Variants in HOXB3 observed in about 807,000 individuals in gnomAD.
The protein encoded by HOXB3 is homeobox protein Hox-B3.
In HOXB3, 17 loss-of-function variants were observed where a neutral mutation model predicts 29.2. The observed-to-expected ratio is 0.58, with a 90% CI of 0.40 to 0.87. HOXB3 has a LOEUF of 0.87. Among genes scored for constraint, HOXB3 ranks in the 40% least tolerant of loss-of-function variants. The pLI, the probability that HOXB3 is intolerant of heterozygous loss-of-function variation, is 0.00. For synonymous variants in HOXB3, 317 were observed against 285.9 expected (o/e 1.11, Z -1.10); for missense variants, 637 against 616.3 (o/e 1.03, Z -0.35).
intron 2 of HOXB3, among the ~76,000 whole-genome samples, chr17:48,558,673 A>G (rs1461175838): frequency 6.6e-6 from 1 of 152,098 alleles, no homozygotes; most frequent in African/African-American, 2.4e-5. Context: ...GCTGCTAGCC[A>G]GGGGATTTTC....
At chr17:48,588,449 T>G (rs949650474) in intron 1 of HOXB3, among the ~76,000 whole-genome samples, 1 of 152,218 alleles carries the variant, frequency 6.6e-6, no homozygotes, top group Non-Finnish European at 1.5e-5. Flanking sequence ...TCTGGGGTTC[T>G]AGCTTCCAGA....
intron 4 of HOXB3, among the ~76,000 whole-genome samples, chr17:48,551,733 T>C (rs927418624): frequency 6.6e-6 from 1 of 152,244 alleles, no homozygotes; most frequent in African/African-American, 2.4e-5. Context: ...CGTTGACGAC[T>C]CTGCATCCTC....
At chr17:48,575,140 G>A (rs747837608) in intron 1 of HOXB3, 1 of 152,122 alleles carries the variant, frequency 6.6e-6, no homozygotes, top group Non-Finnish European at 1.5e-5. Context: ...CAGCTTAACC[G>A]CATTTTATTT....
chr17:48,578,171 G>C, intron 1 of HOXB3: 6 of 1,609,336 alleles, frequency 3.7e-6, no homozygotes, highest in Non-Finnish European at 5.1e-6. Flanking sequence ...GCCCGCCTCC[G>C]GCTGGAAGCT....
chr17:48,555,394 G>C (rs1368696002), intron 3 of HOXB3, 137 bp downstream of exon 3: 2 of 679,202 alleles, frequency 2.9e-6, no homozygotes, highest in Non-Finnish European at 2.7e-6. Flanking sequence ...GGGAGGGAGA[G>C]AGAGAGTCGC....
intron 2 of HOXB3, among the ~76,000 whole-genome samples, chr17:48,564,555 G>T (rs1341140471): frequency 6.6e-6 from 1 of 152,252 alleles, no homozygotes; most frequent in Non-Finnish European, 1.5e-5. Flanking sequence ...GCGCAGGGCT[G>T]CGGGAACCCC....
intron 2 of HOXB3, among the ~76,000 whole-genome samples, chr17:48,556,198 A>T (rs761116565): frequency 2.0e-5 from 3 of 151,700 alleles, no homozygotes; most frequent in Non-Finnish European, 2.9e-5. Context: ...TTGGAGGGAC[A>T]GGGAGGAAGA....
At chr17:48,564,522 G>A (rs949165100) in intron 2 of HOXB3, among the ~76,000 whole-genome samples, 3 of 152,244 alleles carry the variant, frequency 2.0e-5, no homozygotes, top group Non-Finnish European at 2.9e-5. Context: ...AGTTTCCTGA[G>A]AAGCTCCCAC....
chr17:48,575,550 G>C (rs1001024298), intron 1 of HOXB3: 1 of 152,450 alleles, frequency 6.6e-6, no homozygotes, highest in Non-Finnish European at 1.5e-5. Flanking sequence ...TTGTCACTCT[G>C]TACAGCACAC....
chr17:48,550,573 C>T lies in HOXB3; in HGVS notation c.1057G>A (p.Val353Met), dbSNP rs2068685997. The T allele has an allele frequency of 1.3e-6, 2 of 1,529,570 alleles. No individual in the cohort carries two copies. The highest frequency in any genetic ancestry group is 1.7e-6 in the Non-Finnish European group (2 of 1,149,150). 94.7% of individuals were successfully genotyped at this position (1,529,570 alleles called of 1,614,324 possible). ...GGATCCGCGTAGCCGCCCCCGCCCA[C>T]GTACACCGGACTGCCCTGCATGGTG... is the stretch of plus-strand genomic sequence containing the variant. ...TPTMQGSPVY[V>M]GGGGYADPLP... is the part of the protein sequence containing the mutation. The change falls in exon 5 of 5, where the codon GTG (valine) becomes ATG (methionine). Residue 353 changes from valine (V) to methionine (M), a missense_variant. Physicochemically the swap from Val to Met is conservative, Grantham distance 21 (BLOSUM62 1). Coordinates refer to ENST00000498678, the MANE Select transcript of HOXB3 (RefSeq NM_001384749.1).
intron 1 of HOXB3, chr17:48,576,884 C>A (rs753901753): frequency 6.2e-7 from 1 of 1,614,194 alleles, no homozygotes; most frequent in Non-Finnish European, 8.5e-7. Context: ...AGAGGCAGAG[C>A]GCGTGGGCGA....
At position 48,576,913 on chromosome 17, in the gene HOXB3, G is replaced by T. The variant is rs751342746; in HGVS notation, c.-424-2899C>A. On this transcript the variant is annotated intron_variant, in intron 1 of 4. Coordinates refer to ENST00000498678, the MANE Select transcript of HOXB3 (RefSeq NM_001384749.1). ...TGGGCGATCTCCACCCTCCGGCGCCGTGTCAGGTAGCGGTTGTAGTGAAAT... is the reference window on the plus strand; with the variant it reads ...TGGGCGATCTCCACCCTCCGGCGCCTTGTCAGGTAGCGGTTGTAGTGAAAT... 41 of 1,614,130 alleles carry T rather than the reference G, an allele frequency of 2.5e-5. No individual in the cohort carries two copies. The African/African-American group carries it at 4.8e-4, about 19-fold the overall frequency.
At chr17:48,581,981 A>C (rs1205143045) in intron 1 of HOXB3, 1 of 152,124 alleles carries the variant, frequency 6.6e-6, no homozygotes, top group Non-Finnish European at 1.5e-5. Context: ...ATAATAGTAA[A>C]ATAAGAGCAG....
At chr17:48,569,139 C>T (rs752631082) in intron 2 of HOXB3, among the ~76,000 whole-genome samples, 11 of 151,722 alleles carry the variant, frequency 7.3e-5, no homozygotes, top group Non-Finnish European at 1.3e-4. Context: ...AACAGGGAGA[C>T]CGAGCCTGCG....
chr17:48,584,289 G>C (rs1263956372), intron 1 of HOXB3, among the ~76,000 whole-genome samples: 3 of 152,236 alleles, frequency 2.0e-5, no homozygotes, highest in Admixed American at 6.5e-5. Context: ...GGGAGAGAGT[G>C]AGAGAATTAA....
chr17:48,555,809 GA>G (rs1295119350), intron 2 of HOXB3, among the ~76,000 whole-genome samples, 191 bp from the exon 3 acceptor site: 2 of 151,810 alleles, frequency 1.3e-5, no homozygotes, highest in African/African-American at 4.8e-5. Flanking sequence ...GGGGGAGCGG[GA>G]AAAAAAATAG....
At chr17:48,562,897 C>T (rs1001594447) in intron 2 of HOXB3, among the ~76,000 whole-genome samples, 4 of 152,202 alleles carry the variant, frequency 2.6e-5, no homozygotes, top group African/African-American at 9.7e-5. Flanking sequence ...TTCTCCCCAC[C>T]GCCATCCTCC....
chr17:48,552,571 A>ACCCCCCCCCCCCCCCCCCC lies in HOXB3; in HGVS notation c.-98_-97insGGGGGGGGGGGGGGGGGGG, dbSNP rs59742556. 4.0e-6 allele frequency: 2 copies of ACCCCCCCCCCCCCCCCCCC among 504,638 alleles called. No individual in the cohort carries two copies. Among genetic ancestry groups the ACCCCCCCCCCCCCCCCCCC allele is most frequent in the African/African-American group, 4.0e-5 (1 of 24,738 alleles). 31.3% of individuals were successfully genotyped at this position (504,638 alleles called of 1,614,324 possible). A position where few individuals can be genotyped will look rare whatever the true frequency, so the allele number is the denominator to read the frequency against. ...CCCTGGGGGTCACGTGACACGCCGG[A>ACCCCCCCCCCCCCCCCCCC]CCCCCCCCCCCCACCTCCCCTCTCT... On this transcript the variant is annotated 5_prime_UTR_variant, in exon 4 of 5. It introduces an in-frame stop codon into an upstream open reading frame of the 5' UTR. Transcript: ENST00000498678.
rs145045091 is a variant in HOXB3, at chr17:48,565,669, C to T, written c.-247+8168G>A. Among the ~76,000 whole-genome samples, 77 of 152,384 alleles carry T rather than the reference C, an allele frequency of 5.1e-4. No homozygotes were observed. The East Asian group carries it at 0.013, about 26-fold the overall frequency. On this transcript the variant is annotated intron_variant, in intron 2 of 4. Coordinates refer to ENST00000498678, the MANE Select transcript of HOXB3 (RefSeq NM_001384749.1). The stretch of plus-strand genomic sequence containing the variant: ...GGTTGAGTCTCTTCTTCCCTTTCCT[C>T]TGTGGGGGAACCCACCCTCTATCCA...
Sources: gnomAD v4.1 joint callset for allele counts (sites outside exome capture counted in the v4.1 genomes callset) on GRCh38, gnomAD v4.1.1 for gene constraint, MANE v1.5 for transcripts, NCBI Gene and HGNC (gene_info 2026-07-23, HGNC 2026-07-21) for gene names.